Variants in NEBL observed in about 807,000 individuals in gnomAD.
NEBL encodes the protein nebulette, also known as LIM and SH3 protein 2.
Under a neutral mutation model 140.2 loss-of-function variants are expected in NEBL, and 122 were observed. The ratio of observed to expected loss-of-function variants is 0.87; its 90% CI spans 0.75 to 1.01. The LOEUF (loss-of-function observed/expected upper bound fraction) is 1.01, where lower values mean the gene tolerates loss of function less well. NEBL is among the 50% of genes least tolerant of loss of function. The pLI, the probability that NEBL is intolerant of heterozygous loss-of-function variation, is 0.00. For missense variants in NEBL, 1,365 were observed against 1,231.3 expected, an observed-to-expected ratio of 1.11 and a Z score of -1.62; for synonymous variants, 436 against 398.9, an observed-to-expected ratio of 1.09 and a Z score of -1.11.
intron 19 of NEBL, among the ~76,000 whole-genome samples, chr10:20,821,711 C>T (rs1484859795): frequency 2.0e-5 from 3 of 152,090 alleles, no homozygotes; most frequent in African/African-American, 7.2e-5. Context: ...TAATATCTAC[C>T]GGAATGCCAT....
intron 3 of NEBL, among the ~76,000 whole-genome samples, chr10:21,201,740 T>G (rs1489900453): frequency 6.6e-6 from 1 of 152,186 alleles, no homozygotes; most frequent in African/African-American, 2.4e-5. Context: ...TGGTAATATT[T>G]TCATAGAAAA....
chr10:21,061,962 G>A (rs953563092), intron 2 of NEBL, among the ~76,000 whole-genome samples: 11 of 152,212 alleles, frequency 7.2e-5, no homozygotes, highest in African/African-American at 2.4e-4. Context: ...GTCTGCTTCT[G>A]CAGGCTGAAA....
intron 2 of NEBL, among the ~76,000 whole-genome samples, chr10:21,043,128 T>C (rs1275809251): frequency 6.6e-6 from 1 of 152,230 alleles, no homozygotes; most frequent in African/African-American, 2.4e-5. Context: ...TTTTCCCTCA[T>C]ATAGCACATT....
Position 20,924,413 on chromosome 10 carries a change from T to TAAAAA in NEBL, c.357+37254_357+37258dup, listed in dbSNP as rs71390800. 9.0e-3 allele frequency among the ~76,000 whole-genome samples: 530 copies of TAAAAA among 58,974 alleles called. 61 individuals are homozygous for TAAAAA. The East Asian group carries it at 0.1, about 12-fold the overall frequency. The allele number at this position is 58,974 out of a possible 152,430, so 38.7% of individuals were successfully genotyped here. Reference sequence around the variant, plus strand: ...CTATAGCTCTCGATCAGGCATGAAGTAAAAAAAAAAAAAAAAAAAAAAAAA... The same window carrying TAAAAA: ...CTATAGCTCTCGATCAGGCATGAAGTAAAAAAAAAAAAAAAAAAAAAAAAAAAAAA... On this transcript the variant is annotated intron_variant, in intron 4 of 6. Coordinates refer to the NEBL transcript ENST00000417816.
chr10:21,232,948 C>T (rs1351323009), intron 3 of NEBL, among the ~76,000 whole-genome samples: 8 of 152,172 alleles, frequency 5.3e-5, no homozygotes, highest in Admixed American at 5.2e-4. Flanking sequence ...GAAAAGTAGT[C>T]AATCTCAGGG....
In NEBL at chr10:20,948,853, G is replaced by C. The variant is rs527434004; in HGVS notation, c.357+12819C>G. Among the ~76,000 whole-genome samples the C allele has an allele frequency of 6.6e-5, 10 of 152,242 alleles. No homozygotes were observed. The East Asian group carries it at 1.7e-3, about 26-fold the overall frequency. ...CACAGCACTGAGGGGATGTCCCAGT[G>C]GTTTGTCGTTAACACAGACTGGGCC... On this transcript the variant is annotated intron_variant, in intron 4 of 6. Coordinates refer to the NEBL transcript ENST00000417816.
chr10:21,110,585 G>T, intron 2 of NEBL: 1 of 219,882 alleles, frequency 4.5e-6, no homozygotes, highest in Non-Finnish European at 9.2e-6. Flanking sequence ...CAAATAACTA[G>T]CCCTGGTGTG....
rs187895571 is a variant in NEBL, at chr10:21,229,435, G to A, written n.348+18486C>T. 2.3e-3 allele frequency among the ~76,000 whole-genome samples: 344 copies of A among 152,124 alleles called. 2 individuals are homozygous for A. The highest frequency in any genetic ancestry group is 8.1e-3 in the African/African-American group (336 of 41,482). On this transcript the variant is annotated intron_variant and non_coding_transcript_variant, in intron 3 of 8. Transcript: ENST00000675702. ...GACCCTGTCTCAGAAAAAAGTGGGG[G>A]AGGGAAATAATATAATAAAATGTTA...
chr10:21,291,641 G>T (rs997660606), intron 1 of NEBL, among the ~76,000 whole-genome samples: 2 of 152,004 alleles, frequency 1.3e-5, no homozygotes, highest in Non-Finnish European at 2.9e-5. Context: ...CAGACCAGGC[G>T]CAGTGGCTCA....
intron 2 of NEBL, among the ~76,000 whole-genome samples, chr10:21,138,163 C>T (rs541851888): frequency 6.6e-6 from 1 of 152,078 alleles, no homozygotes; most frequent in African/African-American, 2.4e-5. Context: ...CAGTAGAAAC[C>T]AAAACAGTCT....
chr10:21,179,060 C>T (rs768325989), upstream of NEBL, among the ~76,000 whole-genome samples: 9 of 152,186 alleles, frequency 5.9e-5, no homozygotes, highest in Non-Finnish European at 8.8e-5. Context: ...CCCAGATTAT[C>T]CAGGAGGATC....
chr10:20,868,510 A>G lies in NEBL; in HGVS notation c.684+154T>C, dbSNP rs988257962. The G allele has an allele frequency of 4.5e-6, 3 of 663,968 alleles. No individual in the cohort carries two copies. The African/African-American group carries it at 5.5e-5, about 12-fold the overall frequency. 41.1% of individuals were successfully genotyped at this position (663,968 alleles called of 1,614,324 possible). A position where few individuals can be genotyped will look rare whatever the true frequency, so the allele number is the denominator to read the frequency against. ...TAATTTTTTTCCTTTACTGAAATTC[A>G]TAATGATTGCAAGCCCATCTGAACT... is the stretch of plus-strand genomic sequence containing the variant. On this transcript the variant is annotated intron_variant, in intron 7 of 27. Transcript: ENST00000377122.
At chr10:20,920,406 C>G (rs1210377622) in intron 4 of NEBL, among the ~76,000 whole-genome samples, 1 of 152,124 alleles carries the variant, frequency 6.6e-6, no homozygotes, top group Non-Finnish European at 1.5e-5. Flanking sequence ...TGCCCATCAA[C>G]AAGGGACTAG....
At chr10:21,102,350 C>T (rs1443335029) in intron 2 of NEBL, among the ~76,000 whole-genome samples, 1 of 152,178 alleles carries the variant, frequency 6.6e-6, no homozygotes, top group Admixed American at 6.5e-5. Context: ...GTCCATGAGA[C>T]TATCACCACA....
chr10:20,840,926 G>T, intron 12 of NEBL, 77 bp from the exon 13 acceptor site: 1 of 843,888 alleles, frequency 1.2e-6, no homozygotes. Flanking sequence ...ATGTTTTCTA[G>T]AGATCACAGA....
At chr10:20,914,117 A>C (rs1848438160) in intron 4 of NEBL, among the ~76,000 whole-genome samples, 1 of 152,162 alleles carries the variant, frequency 6.6e-6, no homozygotes, top group African/African-American at 2.4e-5. Flanking sequence ...ACTGCACTTG[A>C]GGAGAGGAAA....
At chr10:20,828,486 C>T (rs1444819756) in intron 17 of NEBL, 44 bp downstream of exon 17, 1 of 1,339,900 alleles carries the variant, frequency 7.5e-7, no homozygotes. Context: ...TCTTACAAAA[C>T]AAAATTTCAA....
intron 2 of NEBL, among the ~76,000 whole-genome samples, chr10:21,047,603 G>A (rs1446303830): frequency 1.3e-5 from 2 of 151,986 alleles, no homozygotes; most frequent in African/African-American, 4.8e-5. Flanking sequence ...AGGTAAAGTG[G>A]CATAAAACAA....
intron 26 of NEBL, among the ~76,000 whole-genome samples, chr10:20,796,800 A>G (rs527604667): frequency 3.3e-4 from 50 of 152,224 alleles, no homozygotes; most frequent in Non-Finnish European, 5.4e-4. Context: ...AAATATAAGC[A>G]GGATTGTCGG....
Sources: allele counts gnomAD v4.1 joint callset (sites outside exome capture counted in the v4.1 genomes callset), GRCh38; gene constraint gnomAD v4.1.1; transcripts MANE v1.5; gene names NCBI Gene and HGNC (gene_info 2026-07-23, HGNC 2026-07-21).